The following CDH13 variants were observed in gnomAD, a reference collection of about 807,000 sequenced individuals.
The protein encoded by CDH13 is cadherin-13.
Under a neutral mutation model 63.8 loss-of-function variants are expected in CDH13, and 24 were observed. The ratio of observed to expected loss-of-function variants is 0.38; its 90% confidence interval spans 0.27 to 0.53. The LOEUF is 0.53. Among genes scored for constraint, CDH13 ranks in the 20% least tolerant of loss-of-function variants. The pLI is 0.85. For synonymous variants in CDH13, 503 were observed against 355.3 expected (o/e 1.42, Z -4.67); for missense variants, 1,049 against 903.1 (o/e 1.16, Z -2.07).
At chr16:82,886,689 C>T (rs1004592131) in intron 2 of CDH13, among the ~76,000 whole-genome samples, 1 of 152,018 alleles carries the variant, frequency 6.6e-6, no homozygotes, top group Non-Finnish European at 1.5e-5. Context: ...CGGCTCCATG[C>T]ACTGTTCTAA....
At chr16:82,775,867 A>T (rs1168179032) in intron 1 of CDH13, among the ~76,000 whole-genome samples, 1 of 152,122 alleles carries the variant, frequency 6.6e-6, no homozygotes, top group Non-Finnish European at 1.5e-5. Flanking sequence ...ATGCATACTG[A>T]TGGCTCTTTT....
At chr16:82,840,450 A>G (rs950783637) in intron 1 of CDH13, among the ~76,000 whole-genome samples, 4 of 151,760 alleles carry the variant, frequency 2.6e-5, no homozygotes, top group African/African-American at 9.7e-5. Flanking sequence ...TGGGAGGCCC[A>G]GGTGGACAGA....
intron 6 of CDH13, among the ~76,000 whole-genome samples, chr16:83,472,848 C>A (rs530126831): frequency 6.6e-6 from 1 of 152,066 alleles, no homozygotes; most frequent in Non-Finnish European, 1.5e-5. Context: ...TCAGAGGATA[C>A]GAGGGTGAAT....
chr16:83,476,813 T>C (rs1279118089), intron 6 of CDH13, among the ~76,000 whole-genome samples: 5 of 152,248 alleles, frequency 3.3e-5, no homozygotes, highest in Admixed American at 3.3e-4. Flanking sequence ...GTATTTTTAT[T>C]ATTAGTTTGG....
chr16:82,975,620 C>G (rs1909391782), intron 2 of CDH13, among the ~76,000 whole-genome samples: 1 of 152,174 alleles, frequency 6.6e-6, no homozygotes, highest in Non-Finnish European at 1.5e-5. Flanking sequence ...TTTTCATTAG[C>G]ACAATAATTG....
intron 2 of CDH13, among the ~76,000 whole-genome samples, chr16:82,945,583 T>A (rs1316987464): frequency 6.6e-6 from 1 of 152,190 alleles, no homozygotes; most frequent in Non-Finnish European, 1.5e-5. Context: ...ATTTTGTGTT[T>A]TTTTTCTTCG....
intron 6 of CDH13, among the ~76,000 whole-genome samples, chr16:83,348,168 C>T (rs747589253): frequency 9.9e-5 from 15 of 152,186 alleles, no homozygotes; most frequent in South Asian, 2.1e-4. Flanking sequence ...CCAGCCTGGG[C>T]GACAGAGAAA....
chr16:83,780,077 A>G lies in CDH13; in HGVS notation c.1791A>G (p.Lys597=), dbSNP rs373698187. ...TAGCTGAAGTCTGTGATGATGCCAA[A>G]AACCTCAGTGTAGTCATTTTGGGAG... The part of the protein sequence containing the change: ...PTVAEVCDDA[K]NLSVVILGAS... Residue 597 remains lysine, a synonymous_variant, in exon 12 of 14, where the codon AAA becomes AAG. Transcript: ENST00000567109. The G allele has an allele frequency of 2.5e-6, 4 of 1,613,834 alleles. No homozygotes were observed. In the African/African-American group the frequency reaches 5.3e-5, roughly 22 times the overall value.
intron 11 of CDH13, among the ~76,000 whole-genome samples, chr16:83,761,747 T>G (rs1158485044): frequency 6.6e-6 from 1 of 152,196 alleles, no homozygotes; most frequent in East Asian, 1.9e-4. Flanking sequence ...TAGGCTAACT[T>G]GATTTTACAA....
chr16:83,215,696 G>A (rs2039480046), intron 4 of CDH13, among the ~76,000 whole-genome samples: 1 of 152,044 alleles, frequency 6.6e-6, no homozygotes, highest in African/African-American at 2.4e-5. Context: ...GAGAGGGCAG[G>A]TTTCCTGTCT....
chr16:83,276,111 A>G (rs2088979203), intron 5 of CDH13, among the ~76,000 whole-genome samples: 1 of 152,112 alleles, frequency 6.6e-6, no homozygotes, highest in East Asian at 1.9e-4. Context: ...TATGAGGAGC[A>G]CTCAGTTCAA....
chr16:82,957,778 T>G (rs1485815584), intron 2 of CDH13, among the ~76,000 whole-genome samples: 3 of 152,262 alleles, frequency 2.0e-5, no homozygotes, highest in Non-Finnish European at 4.4e-5. Flanking sequence ...ACCTAGGAAA[T>G]ATCTGGCCAA....
chr16:83,171,409 G>C (rs773729816), intron 4 of CDH13: 1 of 896,448 alleles, frequency 1.1e-6, no homozygotes, highest in Non-Finnish European at 1.7e-6. Context: ...GGGGATTACA[G>C]TTGAACATGA....
intron 11 of CDH13, among the ~76,000 whole-genome samples, chr16:83,756,487 G>A (rs1027892430): frequency 1.3e-5 from 2 of 152,248 alleles, no homozygotes; most frequent in African/African-American, 4.8e-5. Flanking sequence ...ATGTGGCCCA[G>A]AATGGCTTTG....
At chr16:82,910,888 G>C (rs2041808901) in intron 2 of CDH13, among the ~76,000 whole-genome samples, 1 of 152,172 alleles carries the variant, frequency 6.6e-6, no homozygotes, top group African/African-American at 2.4e-5. Context: ...CTTGCCAGTG[G>C]ATGAGTTTAA....
intron 6 of CDH13, among the ~76,000 whole-genome samples, chr16:83,474,160 C>T (rs2073537814): frequency 6.6e-6 from 1 of 152,144 alleles, no homozygotes; most frequent in Non-Finnish European, 1.5e-5. Context: ...ATTAGAAGAA[C>T]TATTTCTGGT....
intron 7 of CDH13, among the ~76,000 whole-genome samples, chr16:83,511,547 A>G (rs2074566624): frequency 6.6e-6 from 1 of 152,160 alleles, no homozygotes; most frequent in African/African-American, 2.4e-5. Flanking sequence ...ATACATTCCC[A>G]TAGAAACAAG....
intron 2 of CDH13, among the ~76,000 whole-genome samples, chr16:82,924,039 A>G (rs2042233878): frequency 6.6e-6 from 1 of 152,228 alleles, no homozygotes; most frequent in African/African-American, 2.4e-5. Flanking sequence ...TGGGTAAACA[A>G]GTCATGAATC....
intron 8 of CDH13, among the ~76,000 whole-genome samples, chr16:83,667,302 C>T (rs1219764512): frequency 6.6e-6 from 1 of 152,164 alleles, no homozygotes; most frequent in Non-Finnish European, 1.5e-5. Context: ...TCAGCAGGTG[C>T]TGCAGACATA....
Sources: allele counts gnomAD v4.1 joint callset (sites outside exome capture counted in the v4.1 genomes callset), GRCh38; gene constraint gnomAD v4.1.1; transcripts MANE v1.5; gene names NCBI Gene and HGNC (gene_info 2026-07-23, HGNC 2026-07-21).